Variants in DEFB1 observed in about 807,000 individuals in gnomAD.
The protein encoded by DEFB1 is beta-defensin 1.
A neutral mutation model predicts 2.6 loss-of-function variants in DEFB1; 4 were observed. The ratio of observed to expected loss-of-function variants is 1.53; its 90% confidence interval spans 0.76 to 3.51. The LOEUF is 3.51. Among genes scored for constraint, DEFB1 ranks in the 30% most tolerant of loss-of-function variants. DEFB1 has a pLI of 0.01. For synonymous variants in DEFB1, 56 were observed against 28.5 expected (o/e 1.96, Z -3.07); for missense variants, 162 against 76.9 (o/e 2.11, Z -4.14).
chr8:6,875,989 A>G (rs763234350), intron 1 of DEFB1, among the ~76,000 whole-genome samples: 1 of 152,160 alleles, frequency 6.6e-6, no homozygotes, highest in Non-Finnish European at 1.5e-5. Flanking sequence ...GATATAATAG[A>G]CTGAAAACAA....
intron 1 of DEFB1, among the ~76,000 whole-genome samples, chr8:6,875,826 C>A (rs1439240544): frequency 6.6e-6 from 1 of 151,744 alleles, no homozygotes; most frequent in Non-Finnish European, 1.5e-5. Context: ...ACAAACCAAG[C>A]TGTACTATTC....
intron 1 of DEFB1, among the ~76,000 whole-genome samples, chr8:6,877,017 C>T (rs1182850833): frequency 2.0e-5 from 3 of 152,174 alleles, no homozygotes; most frequent in African/African-American, 7.2e-5. Flanking sequence ...ACAATAGGAT[C>T]TTACAGAGAC....
intron 1 of DEFB1, among the ~76,000 whole-genome samples, chr8:6,875,106 ACACC>A (rs1201433717): frequency 1.3e-4 from 18 of 134,318 alleles, no homozygotes; most frequent in African/African-American, 3.3e-4. Flanking sequence ...ACACACACAC[ACACC>A]CCATTGCCAG....
chr8:6,872,653 T>C (rs1302403181), intron 1 of DEFB1, among the ~76,000 whole-genome samples: 7 of 152,196 alleles, frequency 4.6e-5, no homozygotes, highest in Non-Finnish European at 1.5e-5. Context: ...CCCATCCCAG[T>C]ACTCAGGGAA....
chr8:6,871,007 G>T (rs367889396), intron 1 of DEFB1, among the ~76,000 whole-genome samples, 181 bp from the exon 2 acceptor site: 24 of 152,396 alleles, frequency 1.6e-4, no homozygotes, highest in African/African-American at 5.3e-4. Flanking sequence ...AGCTTACTCA[G>T]TCTGGGGCTA....
chr8:6,877,736 A>G lies in DEFB1; in HGVS notation c.61+61T>C. On this transcript the variant is annotated intron_variant, in intron 1 of 1. Coordinates refer to ENST00000297439, the MANE Select transcript of DEFB1 (RefSeq NM_005218.4). ...ACACGGAGGCAGCCATCCGAGACTCACATCAGCCCCATTGTCCCCAGCCCT... is the reference window on the plus strand; with the variant it reads ...ACACGGAGGCAGCCATCCGAGACTCGCATCAGCCCCATTGTCCCCAGCCCT... The G allele has an allele frequency of 2.7e-6, 4 of 1,461,368 alleles. No homozygotes were observed. The South Asian group carries it at 4.6e-5, about 17-fold the overall frequency. 90.5% of individuals were successfully genotyped at this position (1,461,368 alleles called of 1,614,324 possible).
rs1806270647 is a variant in DEFB1, at chr8:6,870,592, T to C, written c.*89A>G. The C allele has an allele frequency of 6.6e-7, 1 of 1,521,066 alleles. No homozygotes were observed. Among genetic ancestry groups the C allele is most frequent in the Non-Finnish European group, 8.9e-7 (1 of 1,123,700 alleles). 94.2% of individuals were successfully genotyped at this position (1,521,066 alleles called of 1,614,324 possible). A position where few individuals can be genotyped will look rare whatever the true frequency, so the allele number is the denominator to read the frequency against. ...AAGATTCATTTTGGCCCAAAGGAGGTATACTTCAAAAGCAATTTTCCTTTA... is the reference window on the plus strand; with the variant it reads ...AAGATTCATTTTGGCCCAAAGGAGGCATACTTCAAAAGCAATTTTCCTTTA... On this transcript the variant is annotated 3_prime_UTR_variant, in exon 2 of 2. Transcript: ENST00000297439.
intron 1 of DEFB1, among the ~76,000 whole-genome samples, chr8:6,875,064 C>CCCCA (rs1299911160): frequency 7.4e-6 from 1 of 135,636 alleles, no homozygotes; most frequent in African/African-American, 2.8e-5. Context: ...CATACCGAAG[C>CCCCA]CACACACACA....
At chr8:6,872,630 G>A (rs181172798) in intron 1 of DEFB1, among the ~76,000 whole-genome samples, 117 of 152,274 alleles carry the variant, frequency 7.7e-4, no homozygotes, top group African/African-American at 2.8e-3. Flanking sequence ...GAATTGAGAG[G>A]CACTCTGGTT....
chr8:6,877,803 C>G lies in DEFB1; in HGVS notation c.55G>C (p.Ala19Pro). ...FTLCLLLSEM[A>P]SGGNFLTGLG... is the part of the protein sequence containing the mutation. Reference sequence around the variant, plus strand: ...TGCAGGTACCAGAGCTTACCTGAGGCCATCTCAGACAAAAGTAAGCAGAGA... The same window carrying G: ...TGCAGGTACCAGAGCTTACCTGAGGGCATCTCAGACAAAAGTAAGCAGAGA... The change falls in exon 1 of 2, where the codon GCC becomes CCC. Residue 19 changes from alanine (A) to proline (P), a missense_variant. Coordinates refer to ENST00000297439, the MANE Select transcript of DEFB1 (RefSeq NM_005218.4). 2 of 1,613,756 alleles carry G rather than the reference C, an allele frequency of 1.2e-6. No individual in the cohort carries two copies. Among genetic ancestry groups the G allele is most frequent in the Non-Finnish European group, 1.7e-6 (2 of 1,179,782 alleles).
In DEFB1 at chr8:6,871,985, T is replaced by C. The variant is rs184438902; in HGVS notation, c.62-1159A>G. ...ACATTCTCATGTTGCAGATCTCTGT[T>C]GGAAAGATGGCTTTCACACCGATGG... On this transcript the variant is annotated intron_variant, in intron 1 of 1. Transcript: ENST00000297439. Among the ~76,000 whole-genome samples the C allele has an allele frequency of 6.6e-5, 10 of 152,342 alleles. No individual in the cohort carries two copies. The East Asian group carries it at 1.9e-3, about 29-fold the overall frequency.
At chr8:6,870,915 C>A (rs955197440) in intron 1 of DEFB1, 89 bp from the exon 2 acceptor site, 1 of 1,389,206 alleles carries the variant, frequency 7.2e-7, no homozygotes, top group Admixed American at 2.3e-5. Flanking sequence ...CAAATAACTG[C>A]AAAACACCGG....
chr8:6,872,072 CT>C (rs1463920826), intron 1 of DEFB1, among the ~76,000 whole-genome samples: 7 of 152,152 alleles, frequency 4.6e-5, no homozygotes, highest in Non-Finnish European at 8.8e-5. Context: ...AGTAATTCCA[CT>C]TTTGAAAAAC....
chr8:6,871,007 G>A (rs367889396), intron 1 of DEFB1, among the ~76,000 whole-genome samples, 181 bp from the exon 2 acceptor site: 1 of 152,278 alleles, frequency 6.6e-6, no homozygotes, highest in Non-Finnish European at 1.5e-5. Flanking sequence ...AGCTTACTCA[G>A]TCTGGGGCTA....
At chr8:6,874,087 AG>A (rs1331814247) in intron 1 of DEFB1, among the ~76,000 whole-genome samples, 1 of 152,004 alleles carries the variant, frequency 6.6e-6, no homozygotes, top group Non-Finnish European at 1.5e-5. Context: ...TGGACCAGGC[AG>A]CCCAAAAAGA....
intron 1 of DEFB1, among the ~76,000 whole-genome samples, chr8:6,875,103 CA>C (rs1254550947): frequency 6.6e-5 from 10 of 151,072 alleles, no homozygotes; most frequent in East Asian, 3.9e-4. Flanking sequence ...CACACACACA[CA>C]CACACCCCAT....
In DEFB1 at chr8:6,870,645, T is replaced by C; in HGVS notation, c.*36A>G. 1 of 1,595,322 alleles carries C rather than the reference T, an allele frequency of 6.3e-7. No homozygotes were observed. Among genetic ancestry groups the C allele is most frequent in the Admixed American group, 1.8e-5 (1 of 55,110 alleles). ...AAAAGAATGCTTATAAAAAGTTCAT[T>C]TCACTTCTGCGTCATTTCTTCTGGT... On this transcript the variant is annotated 3_prime_UTR_variant, in exon 2 of 2. Coordinates refer to ENST00000297439, the MANE Select transcript of DEFB1 (RefSeq NM_005218.4).
chr8:6,871,819 G>A (rs750297001), intron 1 of DEFB1, among the ~76,000 whole-genome samples: 4 of 152,128 alleles, frequency 2.6e-5, no homozygotes, highest in East Asian at 1.9e-4. Flanking sequence ...CACCTTGATC[G>A]CAGACTTCCT....
At position 6,870,651 on chromosome 8, in the gene DEFB1, T is replaced by G; in HGVS notation, c.*30A>C. 1 of 1,601,730 alleles carries G rather than the reference T, an allele frequency of 6.2e-7. No individual in the cohort carries two copies. Among genetic ancestry groups the G allele is most frequent in the Non-Finnish European group, 8.5e-7 (1 of 1,175,980 alleles). ...ATGCTTATAAAAAGTTCATTTCACT[T>G]CTGCGTCATTTCTTCTGGTCACTCC... On this transcript the variant is annotated 3_prime_UTR_variant, in exon 2 of 2. Coordinates refer to ENST00000297439, the MANE Select transcript of DEFB1 (RefSeq NM_005218.4).
Sources: gnomAD v4.1 joint callset for allele counts (sites outside exome capture counted in the v4.1 genomes callset) on GRCh38, gnomAD v4.1.1 for gene constraint, MANE v1.5 for transcripts, NCBI Gene and HGNC (gene_info 2026-07-23, HGNC 2026-07-21) for gene names.